LUZP2: variants seen among roughly 807,000 people sequenced by gnomAD.
The protein encoded by LUZP2 is leucine zipper protein 2.
Under a neutral mutation model 51.6 loss-of-function variants are expected in LUZP2, and 52 were observed. The ratio of observed to expected loss-of-function variants is 1.01; its 90% CI spans 0.81 to 1.27. LUZP2 has a LOEUF of 1.27. LUZP2 is among the 50% of genes most tolerant of loss of function. The pLI, the probability that LUZP2 is intolerant of heterozygous loss-of-function variation, is 0.00. For synonymous variants in LUZP2, 154 were observed against 137.3 expected, an observed-to-expected ratio of 1.12 and a Z score of -0.85; for missense variants, 436 against 395.4, an observed-to-expected ratio of 1.10 and a Z score of -0.87.
chr11:24,564,444 G>A (rs572998379), intron 1 of LUZP2, among the ~76,000 whole-genome samples: 171 of 152,094 alleles, frequency 1.1e-3, no homozygotes, highest in Non-Finnish European at 2.1e-3. Context: ...TATTCCTCTT[G>A]AACTATTAAG....
chr11:24,632,481 GA>G (rs1409291717), intron 1 of LUZP2, among the ~76,000 whole-genome samples: 1 of 151,990 alleles, frequency 6.6e-6, no homozygotes, highest in Non-Finnish European at 1.5e-5. Flanking sequence ...TGCACTGCAA[GA>G]AGTGAGTTCT....
At chr11:24,535,971 T>G (rs2133834822) in intron 1 of LUZP2, among the ~76,000 whole-genome samples, 1 of 151,778 alleles carries the variant, frequency 6.6e-6, no homozygotes, top group South Asian at 2.1e-4. Context: ...AGGATGAACG[T>G]TGTGTTAGCA....
intron 5 of LUZP2, among the ~76,000 whole-genome samples, chr11:24,857,889 C>G (rs1385228729): frequency 5.9e-5 from 9 of 152,076 alleles, no homozygotes; most frequent in Non-Finnish European, 1.5e-5. Flanking sequence ...TTACAGTTAT[C>G]TTCATTGGGG....
intron 9 of LUZP2, among the ~76,000 whole-genome samples, chr11:25,030,993 TA>T (rs1857660771): frequency 7.8e-5 from 1 of 12,894 alleles, no homozygotes; most frequent in East Asian, 1.6e-3. Context: ...ATACAATATA[TA>T]TTATATATAT....
intron 7 of LUZP2, among the ~76,000 whole-genome samples, chr11:24,952,531 A>G (rs1314689375): frequency 6.6e-6 from 1 of 151,828 alleles, no homozygotes; most frequent in Admixed American, 6.6e-5. Context: ...TTACAGTGCT[A>G]AGAGTCTAGA....
chr11:24,559,885 G>A (rs1364006695), intron 1 of LUZP2, among the ~76,000 whole-genome samples: 1 of 152,152 alleles, frequency 6.6e-6, no homozygotes, highest in Non-Finnish European at 1.5e-5. Flanking sequence ...CACAGTAGTT[G>A]TCTCCAAGAC....
intron 1 of LUZP2, among the ~76,000 whole-genome samples, chr11:24,603,552 C>T (rs949476684): frequency 6.6e-6 from 1 of 150,632 alleles, no homozygotes; most frequent in Non-Finnish European, 1.5e-5. Flanking sequence ...CCATACTTTT[C>T]CAAAAAAATA....
chr11:24,694,487 A>C (rs1418969877), intron 1 of LUZP2, among the ~76,000 whole-genome samples: 2 of 152,076 alleles, frequency 1.3e-5, no homozygotes, highest in Non-Finnish European at 2.9e-5. Flanking sequence ...TATAGAATTA[A>C]TAGAAGTACT....
At chr11:24,598,657 T>C (rs761171844) in intron 1 of LUZP2, among the ~76,000 whole-genome samples, 13 of 152,082 alleles carry the variant, frequency 8.5e-5, no homozygotes, top group Admixed American at 3.3e-4. Context: ...AGAAAAGAGA[T>C]ATTATTAATA....
chr11:25,077,279 ACTTT>A (rs751192065), intron 10 of LUZP2, 46 bp from the exon 11 acceptor site: 22 of 1,359,082 alleles, frequency 1.6e-5, no homozygotes, highest in Non-Finnish European at 2.0e-5. Flanking sequence ...TCCCCCCTCC[ACTTT>A]CTTTCTTTAA....
chr11:24,622,377 T>C (rs1444460455), intron 1 of LUZP2, among the ~76,000 whole-genome samples: 1 of 151,308 alleles, frequency 6.6e-6, no homozygotes. Context: ...GAACATGCGG[T>C]GTTTGTTTTT....
At chr11:24,937,932 A>G (rs1280699326) in intron 7 of LUZP2, among the ~76,000 whole-genome samples, 2 of 151,798 alleles carry the variant, frequency 1.3e-5, no homozygotes, top group Non-Finnish European at 2.9e-5. Flanking sequence ...AGAAAAAAAA[A>G]TACGTCATAT....
chr11:24,818,538 T>C (rs1454811166), intron 5 of LUZP2, among the ~76,000 whole-genome samples: 1 of 152,078 alleles, frequency 6.6e-6, no homozygotes, highest in East Asian at 1.9e-4. Context: ...TATCAATCTT[T>C]ACAAGAAAAA....
intron 10 of LUZP2, among the ~76,000 whole-genome samples, chr11:25,064,170 A>G (rs1042725002): frequency 1.4e-5 from 2 of 146,536 alleles, no homozygotes; most frequent in African/African-American, 2.4e-5. Flanking sequence ...ATTGTTTCTT[A>G]TCATTCCACC....
chr11:24,682,742 A>G (rs964262929), intron 1 of LUZP2, among the ~76,000 whole-genome samples: 1 of 151,996 alleles, frequency 6.6e-6, no homozygotes, highest in African/African-American at 2.4e-5. Context: ...GCAGTGACTC[A>G]TGCCTGTAAT....
At position 24,717,583 on chromosome 11, in the gene LUZP2, A is replaced by ATT. The variant is rs71041797; in HGVS notation, c.63-11574_63-11573dup. Among the ~76,000 whole-genome samples the ATT allele has an allele frequency of 3.5e-3, 499 of 143,276 alleles. 5 individuals are homozygous for ATT. Among genetic ancestry groups the ATT allele is most frequent in the African/African-American group, 0.012 (451 of 38,962 alleles). 94.0% of individuals were successfully genotyped at this position (143,276 alleles called of 152,430 possible). On this transcript the variant is annotated intron_variant, in intron 1 of 11. Transcript: ENST00000336930. Reference sequence around the variant, plus strand: ...CCACCACGCCCGGCTAATTTTTTGTATTTTTTTTTTTTTAGTAGAGACAGG... The same window carrying ATT: ...CCACCACGCCCGGCTAATTTTTTGTATTTTTTTTTTTTTTTAGTAGAGACAGG...
intron 1 of LUZP2, among the ~76,000 whole-genome samples, chr11:24,612,589 C>G (rs1168386963): frequency 1.3e-5 from 2 of 152,068 alleles, no homozygotes; most frequent in African/African-American, 4.8e-5. Flanking sequence ...CTCACACACT[C>G]TTACAATTTT....
chr11:24,672,900 G>A (rs992654582), intron 1 of LUZP2, among the ~76,000 whole-genome samples: 1 of 152,158 alleles, frequency 6.6e-6, no homozygotes, highest in Non-Finnish European at 1.5e-5. Flanking sequence ...GTGAGCAGTG[G>A]GCGAGTGAGA....
chr11:25,006,501 A>G (rs986944353), intron 9 of LUZP2, among the ~76,000 whole-genome samples: 1 of 152,184 alleles, frequency 6.6e-6, no homozygotes, highest in Admixed American at 6.5e-5. Flanking sequence ...ACCAATGCTC[A>G]CAACTCCAAA....
Sources: allele counts gnomAD v4.1 joint callset (sites outside exome capture counted in the v4.1 genomes callset), GRCh38; gene constraint gnomAD v4.1.1; transcripts MANE v1.5; gene names NCBI Gene and HGNC (gene_info 2026-07-23, HGNC 2026-07-21).